Variants in STAB2 observed in about 807,000 individuals in gnomAD.
STAB2 encodes the protein stabilin 2, also known as stabilin-2.
Under a neutral mutation model 338.1 loss-of-function variants are expected in STAB2, and 288 were observed. That is an observed-to-expected ratio of 0.85 (90% CI 0.77 to 0.94). The LOEUF is 0.94. Among genes scored for constraint, STAB2 ranks in the 40% least tolerant of loss-of-function variants. The pLI, the probability that STAB2 is intolerant of heterozygous loss-of-function variation, is 0.00. For missense variants in STAB2, 3,141 were observed against 3,210.1 expected (o/e 0.98, Z 0.52); for synonymous variants, 1,202 against 1,193.3 (o/e 1.01, Z -0.15).
chr12:103,590,586 G>T (rs1321550682), intron 1 of STAB2, among the ~76,000 whole-genome samples: 1 of 152,144 alleles, frequency 6.6e-6, no homozygotes, highest in Non-Finnish European at 1.5e-5. Context: ...TCCCCACTTG[G>T]ATAAATGTGG....
chr12:103,711,628 G>A (rs1879870823), intron 40 of STAB2, 112 bp downstream of exon 40: 1 of 1,264,584 alleles, frequency 7.9e-7, no homozygotes, highest in Non-Finnish European at 1.1e-6. Flanking sequence ...ATTTCTGAGG[G>A]CTTAGGATAA....
rs1879060168 is a variant in STAB2, at chr12:103,703,245, G to C, written c.3812G>C (p.Arg1271Thr). 9.9e-6 allele frequency: 16 copies of C among 1,613,810 alleles called. No homozygotes were observed. Among genetic ancestry groups the C allele is most frequent in the Non-Finnish European group, 1.4e-5 (16 of 1,180,036 alleles). The change falls in exon 35 of 69, where the codon AGA becomes ACA. Residue 1271 changes from arginine (R) to threonine (T), a missense_variant. By Grantham distance (71) the Arg-to-Thr change is moderately conservative. Transcript: ENST00000388887. ...LGKVLEIQKN[R>T]CDNNDTTIIR... ...AAAGTTCTGGAAATTCAGAAGAACAGATGTGATAATAATGACACTACTATT... is the reference window on the plus strand; with the variant it reads ...AAAGTTCTGGAAATTCAGAAGAACACATGTGATAATAATGACACTACTATT...
At chr12:103,616,270 A>G (rs1957209305) in intron 3 of STAB2, among the ~76,000 whole-genome samples, 1 of 152,102 alleles carries the variant, frequency 6.6e-6, no homozygotes, top group East Asian at 1.9e-4. Flanking sequence ...GTTCTGCCAC[A>G]TGTGTTATAA....
chr12:103,683,895 TCA>T (rs1035031154), intron 26 of STAB2, among the ~76,000 whole-genome samples: 1 of 152,166 alleles, frequency 6.6e-6, no homozygotes, highest in African/African-American at 2.4e-5. Flanking sequence ...GATGCCTTAA[TCA>T]CAGTGTTTGG....
chr12:103,634,394 T>C (rs891981372), intron 6 of STAB2, among the ~76,000 whole-genome samples: 11 of 152,196 alleles, frequency 7.2e-5, no homozygotes, highest in African/African-American at 2.7e-4. Context: ...ATTGCTATGA[T>C]AAAAGGCAAG....
Position 103,594,323 on chromosome 12 carries a change from A to T in STAB2, c.216-72A>T, listed in dbSNP as rs893440327. ...AATATTAAGACCTAAATTGAAAGCT[A>T]AGGCAATTCTACCACCTAGAGTAAC... On this transcript the variant is annotated intron_variant, in intron 2 of 68. Transcript: ENST00000388887. The T allele has an allele frequency of 7.8e-6, 9 of 1,148,436 alleles. No homozygotes were observed. In the African/African-American group the frequency reaches 1.4e-4, roughly 17 times the overall value. The allele number at this position is 1,148,436 out of a possible 1,614,324, so 71.1% of individuals were successfully genotyped here.
In STAB2 at chr12:103,735,391, A is replaced by C. The variant is rs1325426039; in HGVS notation, c.5461-100A>C. On this transcript the variant is annotated intron_variant, in intron 51 of 68. Coordinates refer to ENST00000388887, the MANE Select transcript of STAB2 (RefSeq NM_017564.10). ...AGCTAAAGTTATTATAACTCGTGGAAAAATTTGCATCTGAATTTGGTTTTT... is the reference window on the plus strand; with the variant it reads ...AGCTAAAGTTATTATAACTCGTGGACAAATTTGCATCTGAATTTGGTTTTT... 3 of 676,130 alleles carry C rather than the reference A, an allele frequency of 4.4e-6. No homozygotes were observed. In the African/African-American group the frequency reaches 5.5e-5, roughly 12 times the overall value. The allele number at this position is 676,130 out of a possible 1,614,324, so 41.9% of individuals were successfully genotyped here.
chr12:103,712,416 T>A lies in STAB2; in HGVS notation c.4384T>A (p.Phe1462Ile), dbSNP rs1265148367. 2 of 1,614,064 alleles carry A rather than the reference T, an allele frequency of 1.2e-6. No homozygotes were observed. The highest frequency in any genetic ancestry group is 2.2e-5 in the South Asian group (2 of 91,078). The change falls in exon 41 of 69, where the codon TTC becomes ATC. Residue 1462 changes from phenylalanine to isoleucine, a missense_variant. Phe to Ile is a conservative substitution (Grantham distance 21). Transcript: ENST00000388887. ...AGCTTCATGCAAGTGTGCAGCAGGA[T>A]TCCAAGGAAACGGGACCATCTGCAC... ...GTASCKCAAG[F>I]QGNGTICTAI...
At chr12:103,734,252 TGATCACATAGGAGCAAGCAA>T (rs1339758746) in intron 51 of STAB2, among the ~76,000 whole-genome samples, 1 of 129,910 alleles carries the variant, frequency 7.7e-6, no homozygotes, top group Non-Finnish European at 1.6e-5. Context: ...GGAGCAAGCA[TGATCACATAGGAGCAAGCAA>T]GATCATATAG....
chr12:103,602,090 A>C (rs1447206029), intron 3 of STAB2, among the ~76,000 whole-genome samples: 1 of 152,206 alleles, frequency 6.6e-6, no homozygotes, highest in Non-Finnish European at 1.5e-5. Context: ...GAACAGTTGC[A>C]TATCCCCCCA....
intron 3 of STAB2, among the ~76,000 whole-genome samples, chr12:103,619,948 C>T (rs1392098518): frequency 6.6e-6 from 1 of 152,176 alleles, no homozygotes; most frequent in African/African-American, 2.4e-5. Context: ...ATTTAAATAA[C>T]TCCTCCTCAG....
chr12:103,612,638 C>T (rs1403667370), intron 3 of STAB2, among the ~76,000 whole-genome samples: 1 of 152,180 alleles, frequency 6.6e-6, no homozygotes, highest in Admixed American at 6.5e-5. Context: ...CAAACTTCCT[C>T]CTTTAGCTCG....
At chr12:103,691,624 C>G (rs1355323405) in intron 30 of STAB2, among the ~76,000 whole-genome samples, 2 of 152,156 alleles carry the variant, frequency 1.3e-5, no homozygotes, top group Admixed American at 1.3e-4. Flanking sequence ...TAACTAAACA[C>G]CCATCTGGGC....
chr12:103,757,621 G>A lies in STAB2; in HGVS notation c.6988-549G>A, dbSNP rs552427483. On this transcript the variant is annotated intron_variant, in intron 63 of 68. Coordinates refer to ENST00000388887, the MANE Select transcript of STAB2 (RefSeq NM_017564.10). ...GACATGTAAGCAAAGTGTAAACAGG[G>A]GAGAGGGAGTGAGCCATGCAGACTT... Among the ~76,000 whole-genome samples the A allele has an allele frequency of 5.9e-5, 9 of 152,336 alleles. No homozygotes were observed. In the East Asian group the frequency reaches 1.7e-3, roughly 29 times the overall value.
At chr12:103,725,837 T>C (rs544363267) in intron 45 of STAB2, among the ~76,000 whole-genome samples, 2 of 152,346 alleles carry the variant, frequency 1.3e-5, no homozygotes, top group East Asian at 1.9e-4. Flanking sequence ...TTTTAAATAT[T>C]TGAAAGTCAG....
At chr12:103,661,236 A>AAAAG (rs1874588490) in intron 17 of STAB2, among the ~76,000 whole-genome samples, 1 of 138,674 alleles carries the variant, frequency 7.2e-6, no homozygotes, top group Non-Finnish European at 1.6e-5. Context: ...AAAAAAAAAA[A>AAAAG]AGAGAGAGAG....
At chr12:103,606,787 A>G (rs1957034714) in intron 3 of STAB2, among the ~76,000 whole-genome samples, 1 of 152,170 alleles carries the variant, frequency 6.6e-6, no homozygotes. Context: ...GATCAAGACC[A>G]TCCTGGCTAA....
At chr12:103,745,318 G>GC in intron 57 of STAB2, 41 bp downstream of exon 57, 1 of 1,578,590 alleles carries the variant, frequency 6.3e-7, no homozygotes, top group Non-Finnish European at 8.6e-7. Flanking sequence ...GCCCAGGGCT[G>GC]CAGTGGACAC....
Position 103,677,569 on chromosome 12 carries a change from C to A in STAB2, c.2763C>A (p.Gly921=), listed in dbSNP as rs771528200. Residue 921 remains glycine (G), a synonymous_variant, in exon 25 of 69, where the codon GGC becomes GGA. Coordinates refer to ENST00000388887, the MANE Select transcript of STAB2 (RefSeq NM_017564.10). ...INNCLLPSAG[G]CHDNASCLYV... is the part of the protein sequence containing the mutation. ...ACTGCCTGCTGCCCAGTGCAGGCGG[C>A]TGCCACGACAACGCATCCTGTTTGT... 6.2e-6 allele frequency: 10 copies of A among 1,613,938 alleles called. No homozygotes were observed. The highest frequency in any genetic ancestry group is 8.5e-6 in the Non-Finnish European group (10 of 1,179,906).
Sources: allele counts gnomAD v4.1 joint callset (sites outside exome capture counted in the v4.1 genomes callset), GRCh38; gene constraint gnomAD v4.1.1; transcripts MANE v1.5; gene names NCBI Gene and HGNC (gene_info 2026-07-23, HGNC 2026-07-21).